The following DMRTA1 variants were observed in gnomAD, a reference collection of about 807,000 sequenced individuals.
DMRTA1 encodes DMRT like family A1.
Under a neutral mutation model 35.2 loss-of-function variants are expected in DMRTA1, and 34 were observed. The observed-to-expected ratio is 0.97, with a 90% CI of 0.74 to 1.29. DMRTA1 has a LOEUF of 1.29. Ranked by LOEUF, DMRTA1 falls within the 50% of genes most tolerant of loss-of-function variation. The pLI is 0.00. For synonymous variants in DMRTA1, 344 were observed against 276.6 expected, an observed-to-expected ratio of 1.24 and a Z score of -2.42; for missense variants, 824 against 644.6, an observed-to-expected ratio of 1.28 and a Z score of -3.01.
Position 22,453,368 on chromosome 9 carries a change from G to A in DMRTA1, c.*1457G>A, listed in dbSNP as rs1318873974. 1 of 152,008 alleles carries A rather than the reference G, an allele frequency of 6.6e-6. No homozygotes were observed. The highest frequency in any genetic ancestry group is 2.4e-5 in the African/African-American group (1 of 41,410). 9.4% of individuals were successfully genotyped at this position (152,008 alleles called of 1,614,324 possible). ...ATATTATCATGGAGGCGTTTTTCAT[G>A]AAGCCAGTAAGAATGTATTTCCAAG... On this transcript the variant is annotated 3_prime_UTR_variant, in exon 2 of 2. Coordinates refer to ENST00000325870, the MANE Select transcript of DMRTA1 (RefSeq NM_022160.3).
At position 22,447,771 on chromosome 9, in the gene DMRTA1, G is replaced by A. The variant is rs751567978; in HGVS notation, c.667+39G>A. The A allele has an allele frequency of 1.9e-6, 3 of 1,609,616 alleles. No individual in the cohort carries two copies. In the African/African-American group the frequency reaches 4.0e-5, roughly 21 times the overall value. On this transcript the variant is annotated intron_variant, in intron 1 of 1. Transcript: ENST00000325870. ...TGATTTACTCTTTGCTCAAGGAATG[G>A]TTGTTCTGGAAAGAAACTCTGAAAC...
intron 1 of DMRTA1, among the ~76,000 whole-genome samples, chr9:22,447,948 T>C (rs1818866000): frequency 6.6e-6 from 1 of 152,068 alleles, no homozygotes; most frequent in Admixed American, 6.5e-5. Context: ...CCTCAGGTGA[T>C]AGGATGAGAT....
At position 22,447,336 on chromosome 9, in the gene DMRTA1, T is replaced by A; in HGVS notation, c.271T>A (p.Tyr91Asn). The change falls in exon 1 of 2, where the codon TAC becomes AAC. Residue 91 changes from tyrosine (Y) to asparagine (N), a missense_variant. Tyr to Asn is a moderately radical substitution (Grantham distance 143). Coordinates refer to ENST00000325870, the MANE Select transcript of DMRTA1 (RefSeq NM_022160.3). ...ESGVGAVGCG[Y>N]PRTPKCARCR... ...CGGGGTAGGCGCGGTGGGCTGCGGC[T>A]ACCCGCGGACGCCCAAGTGCGCCCG... is the stretch of plus-strand genomic sequence containing the variant. 1 of 1,531,466 alleles carries A rather than the reference T, an allele frequency of 6.5e-7. No individual in the cohort carries two copies. The highest frequency in any genetic ancestry group is 8.7e-7 in the Non-Finnish European group (1 of 1,143,530). 94.9% of individuals were successfully genotyped at this position (1,531,466 alleles called of 1,614,324 possible).
rs1818955227 is a variant in DMRTA1 at position 22,453,027 on chromosome 9, C to G, written c.*1116C>G. On this transcript the variant is annotated 3_prime_UTR_variant, in exon 2 of 2. Coordinates refer to ENST00000325870, the MANE Select transcript of DMRTA1 (RefSeq NM_022160.3). ...TTTAAAAATAATTTTTGTCCTCCCT[C>G]TGGCGCATTTGAAAACTATTTATTT... 6.6e-6 allele frequency: 1 copy of G among 152,106 alleles called. No individual in the cohort carries two copies. The highest frequency in any genetic ancestry group is 6.5e-5 in the Admixed American group (1 of 15,272). The allele number at this position is 152,106 out of a possible 1,614,324, so 9.4% of individuals were successfully genotyped here. A position where few individuals can be genotyped will look rare whatever the true frequency, so the allele number is the denominator to read the frequency against.
At chr9:22,449,513 C>T (rs1007075733) in intron 1 of DMRTA1, among the ~76,000 whole-genome samples, 2 of 151,952 alleles carry the variant, frequency 1.3e-5, no homozygotes, top group Non-Finnish European at 2.9e-5. Context: ...TATAACAAGA[C>T]ATTATTTTAT....
intron 1 of DMRTA1, among the ~76,000 whole-genome samples, chr9:22,448,451 T>G (rs1300422570): frequency 6.6e-6 from 1 of 152,190 alleles, no homozygotes; most frequent in Non-Finnish European, 1.5e-5. Flanking sequence ...AAGTTCAATA[T>G]TAGAGGTTTT....
In DMRTA1 at chr9:22,454,453, G is replaced by T. The variant is rs1360194917; in HGVS notation, c.*2542G>T. ...TCTATTTGTGCCATGCACTGTGTTA[G>T]ACACAAGAGATAAAGAAATGATTAA... is the stretch of plus-strand genomic sequence containing the variant. On this transcript the variant is annotated 3_prime_UTR_variant, in exon 2 of 2. Transcript: ENST00000325870. The T allele has an allele frequency of 6.6e-6, 1 of 152,094 alleles. No individual in the cohort carries two copies. The highest frequency in any genetic ancestry group is 6.5e-5 in the Admixed American group (1 of 15,272). 9.4% of individuals were successfully genotyped at this position (152,094 alleles called of 1,614,324 possible). A position where few individuals can be genotyped will look rare whatever the true frequency, so the allele number is the denominator to read the frequency against.
chr9:22,447,467 C>T lies in DMRTA1; in HGVS notation c.402C>T (p.Arg134=). The T allele has an allele frequency of 6.4e-7, 1 of 1,554,914 alleles. No individual in the cohort carries two copies. The highest frequency in any genetic ancestry group is 1.9e-5 in the Admixed American group (1 of 52,844). The change falls in exon 1 of 2, where the codon CGC becomes CGT. Residue 134 remains arginine, a synonymous_variant. Transcript: ENST00000325870. ...GCACCCTGATCGCCGAGCGCCAGCG[C>T]GTCATGGCCGCCCAGGTGGCGCTGC... ...AKCTLIAERQ[R]VMAAQVALRR...
In DMRTA1 at chr9:22,447,611, A is replaced by AC; in HGVS notation, c.547dup (p.Gln183ProfsTer37). On this transcript the variant is annotated frameshift_variant, in exon 1 of 2. Coordinates refer to ENST00000325870, the MANE Select transcript of DMRTA1 (RefSeq NM_022160.3). LOFTEE classifies it high-confidence loss of function. ...GGGGCGGCGGCAGAGCCGAGAATCC[A>AC]CAGTCCACGGGCGGCCCTGCGGCGG... The AC allele has an allele frequency of 6.2e-7, 1 of 1,608,182 alleles. No individual in the cohort carries two copies. Among genetic ancestry groups the AC allele is most frequent in the South Asian group, 1.1e-5 (1 of 90,644 alleles).
chr9:22,447,460 G>A lies in DMRTA1; in HGVS notation c.395G>A (p.Arg132His), dbSNP rs1478847837. 1.9e-6 allele frequency: 3 copies of A among 1,553,866 alleles called. No homozygotes were observed. Among genetic ancestry groups the A allele is most frequent in the African/African-American group, 1.4e-5 (1 of 72,944 alleles). Residue 132 changes from arginine to histidine, a missense_variant, in exon 1 of 2, where the codon CGC (arginine) becomes CAC (histidine). Coordinates refer to ENST00000325870, the MANE Select transcript of DMRTA1 (RefSeq NM_022160.3). ...GCCAAGTGCACCCTGATCGCCGAGCGCCAGCGCGTCATGGCCGCCCAGGTG... is the reference window on the plus strand; with the variant it reads ...GCCAAGTGCACCCTGATCGCCGAGCACCAGCGCGTCATGGCCGCCCAGGTG... ...ACAKCTLIAE[R>H]QRVMAAQVAL... is the part of the protein sequence containing the mutation.
At chr9:22,448,348 A>C (rs1818870996) in intron 1 of DMRTA1, among the ~76,000 whole-genome samples, 1 of 152,224 alleles carries the variant, frequency 6.6e-6, no homozygotes, top group African/African-American at 2.4e-5. Context: ...TGGGGAAGAG[A>C]CTGAAATCTA....
In DMRTA1 at chr9:22,451,414, T is replaced by C. The variant is rs372597372; in HGVS notation, c.1018T>C (p.Tyr340His). Residue 340 changes from tyrosine (Y) to histidine (H), a missense_variant, in exon 2 of 2, where the codon TAC becomes CAC. By Grantham distance (83) the Tyr-to-His change is moderately conservative. Transcript: ENST00000325870. The stretch of plus-strand genomic sequence containing the variant: ...TATCCTTACTAAGATTTTCCCAAAT[T>C]ACAGGCGCAGCCGGCTAGAAGGCAT... ...LDILTKIFPN[Y>H]RRSRLEGILR... 3.1e-6 allele frequency: 5 copies of C among 1,614,012 alleles called. No homozygotes were observed. The highest frequency in any genetic ancestry group is 4.2e-6 in the Non-Finnish European group (5 of 1,179,992).
In DMRTA1 at chr9:22,447,381, G is replaced by A. The variant is rs1818850095; in HGVS notation, c.316G>A (p.Val106Met). The A allele has an allele frequency of 1.3e-6, 2 of 1,552,196 alleles. No homozygotes were observed. Among genetic ancestry groups the A allele is most frequent in the African/African-American group, 1.4e-5 (1 of 71,278 alleles). Residue 106 changes from valine (V) to methionine (M), a missense_variant, in exon 1 of 2, where the codon GTG becomes ATG. Physicochemically the swap from Val to Met is conservative, Grantham distance 21 (BLOSUM62 1). Transcript: ENST00000325870. ...CGCCCGCTGTCGTAACCATGGTGTG[G>A]TGTCAGCGCTCAAGGGCCACAAGCG... ...KCARCRNHGV[V>M]SALKGHKRFC... is the part of the protein sequence containing the mutation.
At position 22,451,074 on chromosome 9, in the gene DMRTA1, G is replaced by C. The variant is rs2117959758; in HGVS notation, c.678G>C (p.Glu226Asp). The change falls in exon 2 of 2, where the codon GAG becomes GAC. Residue 226 changes from glutamate (E) to aspartate (D), a missense_variant. By Grantham distance (45) the Glu-to-Asp change is conservative. Transcript: ENST00000325870. ...DYPEEKQEQK[E>D]SKCESCQNGQ... ...CCCCCTCTTCTCCAGAACAAAAAGAGAGTAAATGTGAGTCATGCCAGAATG... is the reference window on the plus strand; with the variant it reads ...CCCCCTCTTCTCCAGAACAAAAAGACAGTAAATGTGAGTCATGCCAGAATG... The C allele has an allele frequency of 4.3e-6, 7 of 1,611,604 alleles. No homozygotes were observed. The highest frequency in any genetic ancestry group is 5.9e-6 in the Non-Finnish European group (7 of 1,179,206).
intron 1 of DMRTA1, among the ~76,000 whole-genome samples, chr9:22,449,944 C>T (rs1475365479): frequency 6.6e-6 from 1 of 152,062 alleles, no homozygotes; most frequent in Non-Finnish European, 1.5e-5. Flanking sequence ...CATTCATAAA[C>T]TTGGTAGAAA....
chr9:22,450,602 A>C (rs1818909573), intron 1 of DMRTA1, among the ~76,000 whole-genome samples: 1 of 152,152 alleles, frequency 6.6e-6, no homozygotes, highest in African/African-American at 2.4e-5. Flanking sequence ...TCATTTTCAA[A>C]CTAAGATTAT....
chr9:22,451,039 A>G lies in DMRTA1; in HGVS notation c.668-25A>G, dbSNP rs747600792. 4 of 1,578,742 alleles carry G rather than the reference A, an allele frequency of 2.5e-6. No individual in the cohort carries two copies. The South Asian group carries it at 3.4e-5, about 14-fold the overall frequency. On this transcript the variant is annotated intron_variant, in intron 1 of 1. Transcript: ENST00000325870. ...TTCTGGGAAGTCTTCCCTGTATTTG[A>G]TTTTTTTTTCCCCCTCTTCTCCAGA...
rs1818987879 is a variant in DMRTA1 at position 22,455,257 on chromosome 9, A to G, written c.*3346A>G. 1 of 152,186 alleles carries G rather than the reference A, an allele frequency of 6.6e-6. No individual in the cohort carries two copies. The highest frequency in any genetic ancestry group is 2.4e-5 in the African/African-American group (1 of 41,448). The allele number at this position is 152,186 out of a possible 1,614,324, so 9.4% of individuals were successfully genotyped here. ...TACAATTCCTATAAGGTAAATACCAATATGTCTTTCTAGAAGAAGCAATTG... is the reference window on the plus strand; with the variant it reads ...TACAATTCCTATAAGGTAAATACCAGTATGTCTTTCTAGAAGAAGCAATTG... On this transcript the variant is annotated 3_prime_UTR_variant, in exon 2 of 2. Coordinates refer to ENST00000325870, the MANE Select transcript of DMRTA1 (RefSeq NM_022160.3).
At chr9:22,450,232 C>G (rs1281931688) in intron 1 of DMRTA1, among the ~76,000 whole-genome samples, 1 of 152,048 alleles carries the variant, frequency 6.6e-6, no homozygotes, top group Non-Finnish European at 1.5e-5. Context: ...AAGCAAATGC[C>G]TAATATGTTG....
Sources: gnomAD v4.1 joint callset for allele counts (sites outside exome capture counted in the v4.1 genomes callset) on GRCh38, gnomAD v4.1.1 for gene constraint, MANE v1.5 for transcripts, NCBI Gene and HGNC (gene_info 2026-07-23, HGNC 2026-07-21) for gene names.